Variants in MSI2 observed in about 807,000 individuals in gnomAD.
The protein encoded by MSI2 is RNA-binding protein Musashi homolog 2.
Under a neutral mutation model 45.6 loss-of-function variants are expected in MSI2, and 17 were observed. The observed-to-expected ratio is 0.37, with a 90% CI of 0.26 to 0.56. The LOEUF (loss-of-function observed/expected upper bound fraction) is 0.56, where lower values mean the gene tolerates loss of function less well. Among genes scored for constraint, MSI2 ranks in the 20% least tolerant of loss-of-function variants. The pLI is 0.77. For synonymous variants in MSI2, 156 were observed against 158.2 expected (o/e 0.99, Z 0.11); for missense variants, 293 against 444.2 (o/e 0.66, Z 3.06).
intron 11 of MSI2, among the ~76,000 whole-genome samples, chr17:57,673,352 C>G (rs1308905513): frequency 1.3e-5 from 2 of 152,220 alleles, no homozygotes; most frequent in African/African-American, 4.8e-5. Context: ...CATCGATGTT[C>G]TTTGCCTCTG....
chr17:57,276,063 A>G (rs1908817820), intron 5 of MSI2, among the ~76,000 whole-genome samples: 1 of 152,124 alleles, frequency 6.6e-6, no homozygotes, highest in Admixed American at 6.5e-5. Flanking sequence ...CTACTGGTTT[A>G]TTTTGACAAA....
chr17:57,604,657 C>A (rs534770841), intron 8 of MSI2, among the ~76,000 whole-genome samples: 8 of 152,178 alleles, frequency 5.3e-5, no homozygotes, highest in Non-Finnish European at 7.3e-5. Context: ...AGATCTTAGG[C>A]CTGCTACCCT....
intron 6 of MSI2, among the ~76,000 whole-genome samples, chr17:57,424,728 G>C (rs1387258199): frequency 6.6e-6 from 1 of 151,996 alleles, no homozygotes; most frequent in Non-Finnish European, 1.5e-5. Flanking sequence ...TCCCATGGGA[G>C]TTGCTGGGCC....
the MSI2 span, among the ~76,000 whole-genome samples, chr17:57,690,587 C>G: frequency 6.6e-6 from 1 of 152,130 alleles, no homozygotes; most frequent in East Asian, 1.9e-4. Flanking sequence ...CGACTGTACT[C>G]CAGCCTAGGT....
chr17:57,466,438 T>C (rs147446697), intron 6 of MSI2, among the ~76,000 whole-genome samples: 4 of 152,304 alleles, frequency 2.6e-5, no homozygotes, highest in Non-Finnish European at 4.4e-5. Flanking sequence ...CCCAAGACTG[T>C]GCGATTTCAA....
chr17:57,488,134 G>C (rs758226573), intron 6 of MSI2, among the ~76,000 whole-genome samples: 2 of 152,120 alleles, frequency 1.3e-5, no homozygotes, highest in African/African-American at 2.4e-5. Flanking sequence ...CGATCATGCT[G>C]GTCCCAGAGT....
intron 5 of MSI2, among the ~76,000 whole-genome samples, chr17:57,358,074 A>T (rs1437215773): frequency 6.6e-6 from 1 of 152,222 alleles, no homozygotes; most frequent in Non-Finnish European, 1.5e-5. Flanking sequence ...CTTGGCTCCC[A>T]CGGGGAGTTG....
chr17:57,697,387 ACG>A, the MSI2 span, among the ~76,000 whole-genome samples: 1 of 151,770 alleles, frequency 6.6e-6, no homozygotes, highest in African/African-American at 2.4e-5. Context: ...TCACAGCTTC[ACG>A]CACTCCTGCT....
intron 6 of MSI2, among the ~76,000 whole-genome samples, chr17:57,460,349 G>A (rs2085202236): frequency 6.6e-6 from 1 of 151,080 alleles, no homozygotes; most frequent in South Asian, 2.1e-4. Context: ...CAGGAAGTTA[G>A]GGAGGGAAAG....
chr17:57,450,265 A>AAGAAAGAAAGAGAGAAAGAGAGAAAGAG, intron 6 of MSI2: 1 of 78,918 alleles, frequency 1.3e-5, no homozygotes, highest in African/African-American at 5.7e-5. Context: ...TAAAGAAAGA[A>AAGAAAGAAAGAGAGAAAGAGAGAAAGAG]AGAAAGAAAG....
At position 57,286,088 on chromosome 17, in the gene MSI2, T is replaced by C. The variant is rs754695247; in HGVS notation, c.312+23896T>C. ...TTTCCCTCCCTTCCTTCTTTCTTCT[T>C]TATTTTTTCTTTCTTTCTTTTGTCT... On this transcript the variant is annotated intron_variant, in intron 5 of 13. Coordinates refer to ENST00000284073, the MANE Select transcript of MSI2 (RefSeq NM_138962.4). 4 of 1,006,614 alleles carry C rather than the reference T, an allele frequency of 4.0e-6. No homozygotes were observed. In the Admixed American group the frequency reaches 1.1e-4, roughly 27 times the overall value. The allele number at this position is 1,006,614 out of a possible 1,614,324, so 62.4% of individuals were successfully genotyped here.
intron 5 of MSI2, among the ~76,000 whole-genome samples, chr17:57,326,577 G>T (rs1913812747): frequency 6.6e-6 from 1 of 152,228 alleles, no homozygotes; most frequent in Admixed American, 6.5e-5. Flanking sequence ...AACTGGCACT[G>T]TGAGAGTAAA....
Position 57,529,797 on chromosome 17 carries a change from C to A in MSI2, c.454+73C>A. ...TCTCTGTCTGTCATCCCCAGTCCCA[C>A]TGACAAAAGATACAGTGAAGAGTCC... On this transcript the variant is annotated intron_variant, in intron 7 of 13. Coordinates refer to ENST00000284073, the MANE Select transcript of MSI2 (RefSeq NM_138962.4). This position sits in a 1 kb window ranked among gnomAD's most constrained non-coding sequence, Gnocchi z 5.3. The A allele has an allele frequency of 1.6e-6, 2 of 1,275,980 alleles. No individual in the cohort carries two copies. Among genetic ancestry groups the A allele is most frequent in the South Asian group, 1.3e-5 (1 of 76,998 alleles). The allele number at this position is 1,275,980 out of a possible 1,614,324, so 79.0% of individuals were successfully genotyped here.
chr17:57,310,652 C>T (rs540613082), intron 5 of MSI2, among the ~76,000 whole-genome samples: 2 of 152,300 alleles, frequency 1.3e-5, no homozygotes, highest in Admixed American at 6.5e-5. Flanking sequence ...ACTTGCAGCA[C>T]AGGAAGGAAC....
intron 6 of MSI2, among the ~76,000 whole-genome samples, chr17:57,474,377 T>C (rs1399653972): frequency 6.6e-6 from 1 of 152,198 alleles, no homozygotes; most frequent in East Asian, 1.9e-4. Context: ...GTTCAACTCA[T>C]GCAGACCAGG....
chr17:57,381,497 C>T (rs1319585897), intron 5 of MSI2, among the ~76,000 whole-genome samples: 2 of 152,148 alleles, frequency 1.3e-5, no homozygotes, highest in Non-Finnish European at 2.9e-5. Context: ...TCTTTTAGAA[C>T]CTGTTACCTT....
intron 5 of MSI2, among the ~76,000 whole-genome samples, chr17:57,308,157 A>G (rs1912070642): frequency 6.6e-6 from 1 of 152,128 alleles, no homozygotes; most frequent in African/African-American, 2.4e-5. Context: ...GAGGAGTAAT[A>G]TCTGCCTCCC....
intron 7 of MSI2, among the ~76,000 whole-genome samples, chr17:57,593,516 A>C (rs374160673): frequency 1.3e-5 from 2 of 152,058 alleles, no homozygotes; most frequent in South Asian, 4.2e-4. Context: ...TCTGTGTCTC[A>C]AATATCCCCT....
Position 57,463,320 on chromosome 17 carries a change from T to A in MSI2, c.405+61849T>A, listed in dbSNP as rs1429105764. Among the ~76,000 whole-genome samples the A allele has an allele frequency of 3.9e-5, 6 of 152,086 alleles. No individual in the cohort carries two copies. In the East Asian group the frequency reaches 1.2e-3, roughly 29 times the overall value. ...TTTGTCTGACTAGGACCAATAGTTT[T>A]GAAATGACTTGAAAAAAATTTGATC... On this transcript the variant is annotated intron_variant, in intron 6 of 13. Transcript: ENST00000284073.
Sources: gnomAD v4.1 joint callset for allele counts (sites outside exome capture counted in the v4.1 genomes callset) on GRCh38, gnomAD v4.1.1 for gene constraint, Gnocchi (gnomAD v3.1) non-coding constraint, MANE v1.5 for transcripts, NCBI Gene and HGNC (gene_info 2026-07-23, HGNC 2026-07-21) for gene names.